The following PI4KB variants were observed in gnomAD, a reference collection of about 807,000 sequenced individuals.
PI4KB encodes the protein PtdIns 4-kinase beta.
In PI4KB, 23 loss-of-function variants were observed where a neutral mutation model predicts 81.4. That is an observed-to-expected ratio of 0.28 (90% confidence interval 0.20 to 0.40). The LOEUF (loss-of-function observed/expected upper bound fraction) is 0.40, where lower values mean the gene tolerates loss of function less well. Among genes scored for constraint, PI4KB ranks in the 10% least tolerant of loss-of-function variants. The pLI, the probability that PI4KB is intolerant of heterozygous loss-of-function variation, is 1.00. For missense variants in PI4KB, 651 were observed against 1,036.6 expected, an observed-to-expected ratio of 0.63 and a Z score of 5.11; for synonymous variants, 381 against 406.8, an observed-to-expected ratio of 0.94 and a Z score of 0.76.
At chr1:151,299,222 C>T in intron 8 of PI4KB, 149 bp from the exon 9 acceptor site, 3 of 716,656 alleles carry the variant, frequency 4.2e-6, no homozygotes, top group Non-Finnish European at 6.9e-6. Flanking sequence ...CCAGTGAGGA[C>T]CAGGGAGTTT....
chr1:151,298,763 G>A, intron 9 of PI4KB, 45 bp downstream of exon 9: 1 of 1,592,232 alleles, frequency 6.3e-7, no homozygotes, highest in Admixed American at 1.7e-5. Flanking sequence ...AAGGGACAGA[G>A]AGAACCCTGG....
chr1:151,297,291 G>C lies in PI4KB; in HGVS notation c.2015+1517C>G, dbSNP rs192141101. ...GACGGGATCTAACTATGTTGCCTAG[G>C]CTAGTCTCGAACTCCTGGGCTCAAG... is the stretch of plus-strand genomic sequence containing the variant. On this transcript the variant is annotated intron_variant, in intron 9 of 11. Coordinates refer to ENST00000368873, the MANE Select transcript of PI4KB (RefSeq NM_001369623.2). Among the ~76,000 whole-genome samples, 661 of 151,084 alleles carry C rather than the reference G, an allele frequency of 4.4e-3. 6 individuals carry two copies. The highest frequency in any genetic ancestry group is 0.014 in the Middle Eastern group (4 of 284).
At position 151,315,952 on chromosome 1, in the gene PI4KB, G is replaced by A; in HGVS notation, c.530C>T (p.Pro177Leu). The change falls in exon 2 of 12, where the codon CCC (proline) becomes CTC (leucine). Residue 177 changes from proline (P) to leucine (L), a missense_variant. This residue lies in a region of PI4KB where 314 missense variants were observed against 397.8 expected (regional missense o/e 0.79). Transcript: ENST00000368873. ...GTGGATGTACATGTTAAGCAACTGG[G>A]GCAGATAGAAGTCCACGTCCTCGTT... ...FRNEDVDFYL[P>L]QLLNMYIHMD... 6.2e-7 allele frequency: 1 copy of A among 1,613,170 alleles called. No homozygotes were observed. The highest frequency in any genetic ancestry group is 8.5e-7 in the Non-Finnish European group (1 of 1,179,302).
intron 6 of PI4KB, 119 bp downstream of exon 6, chr1:151,303,422 T>C (rs932234365): frequency 4.8e-5 from 36 of 747,704 alleles, no homozygotes; most frequent in Middle Eastern, 2.4e-4. Context: ...AAGGACAGAA[T>C]GAAAGAGGGA....
Position 151,296,035 on chromosome 1 carries a change from C to T in PI4KB, c.2016-1494G>A, listed in dbSNP as rs1185376730. On this transcript the variant is annotated intron_variant, in intron 9 of 11. Transcript: ENST00000368873. ...CTGAGGCAGGAGGATCACCTGAGGT[C>T]AGGAGTTTGAGACCAGCCTGGCCAA... Among the ~76,000 whole-genome samples, 4 of 152,316 alleles carry T rather than the reference C, an allele frequency of 2.6e-5. No individual in the cohort carries two copies. In the East Asian group the frequency reaches 5.8e-4, roughly 22 times the overall value.
chr1:151,324,463 A>G (rs2102027546), intron 1 of PI4KB, among the ~76,000 whole-genome samples: 1 of 152,278 alleles, frequency 6.6e-6, no homozygotes. Flanking sequence ...ATAGAAACTC[A>G]GGGCCAGGCA....
chr1:151,327,216 A>ACGGGGGCGCCCCCC, intron 1 of PI4KB, 55 bp downstream of exon 1: 1 of 102,622 alleles, frequency 9.7e-6, no homozygotes, highest in Non-Finnish European at 1.8e-5. Flanking sequence ...TGGGAGAGGG[A>ACGGGGGCGCCCCCC]CCCCCCCCCC....
chr1:151,292,833 TC>T lies in PI4KB; in HGVS notation c.*18del, dbSNP rs1269968188. 6.2e-7 allele frequency: 1 copy of T among 1,612,448 alleles called. No individual in the cohort carries two copies. The highest frequency in any genetic ancestry group is 8.5e-7 in the Non-Finnish European group (1 of 1,179,392). ...GAGGGTGCCCTGGACCCCCCACCAC[TC>T]CTGGGCTGAGGAGCGTGTCACATGA... On this transcript the variant is annotated 3_prime_UTR_variant, in exon 12 of 12. Transcript: ENST00000368873.
intron 3 of PI4KB, among the ~76,000 whole-genome samples, chr1:151,309,330 TA>T (rs2101968284): frequency 6.6e-6 from 1 of 152,264 alleles, no homozygotes; most frequent in South Asian, 2.1e-4. Flanking sequence ...GCATTTGGGT[TA>T]GGGGCCCCTA....
chr1:151,309,760 C>G (rs1696054915), intron 3 of PI4KB, among the ~76,000 whole-genome samples: 1 of 152,150 alleles, frequency 6.6e-6, no homozygotes. Flanking sequence ...GTCAGCTCAC[C>G]AGCACAGGGC....
chr1:151,304,136 A>C (rs587625791), intron 5 of PI4KB, among the ~76,000 whole-genome samples: 26 of 152,296 alleles, frequency 1.7e-4, no homozygotes, highest in African/African-American at 6.3e-4. Context: ...CTCTAAATAC[A>C]GAATATTCTA....
intron 3 of PI4KB, among the ~76,000 whole-genome samples, 171 bp downstream of exon 3, chr1:151,310,040 A>G (rs1696080006): frequency 6.6e-6 from 1 of 152,186 alleles, no homozygotes; most frequent in Non-Finnish European, 1.5e-5. Flanking sequence ...CGCAAAGGTC[A>G]GGGGAACTCC....
At chr1:151,293,348 C>T (rs1694472657) in intron 11 of PI4KB, 2 of 1,354,890 alleles carry the variant, frequency 1.5e-6, no homozygotes, top group Non-Finnish European at 2.0e-6. Context: ...GGGCCCTGAG[C>T]TGGGCACTTA....
intron 11 of PI4KB, chr1:151,293,815 TC>T (rs1694543991): frequency 5.4e-6 from 3 of 556,916 alleles, no homozygotes; most frequent in Non-Finnish European, 9.3e-6. Flanking sequence ...GCTATCCCCT[TC>T]CCCAGCCTTC....
intron 8 of PI4KB, among the ~76,000 whole-genome samples, chr1:151,300,361 C>T (rs1038008758): frequency 6.6e-6 from 1 of 152,186 alleles, no homozygotes; most frequent in Admixed American, 6.5e-5. Context: ...AATTCCAGCA[C>T]TTTGGGAGGT....
Position 151,295,728 on chromosome 1 carries a change from T to G in PI4KB, c.2016-1187A>C, listed in dbSNP as rs146377729. Among the ~76,000 whole-genome samples the G allele has an allele frequency of 6.6e-5, 10 of 152,318 alleles. No individual in the cohort carries two copies. In the East Asian group the frequency reaches 1.9e-3, roughly 29 times the overall value. On this transcript the variant is annotated intron_variant, in intron 9 of 11. Coordinates refer to ENST00000368873, the MANE Select transcript of PI4KB (RefSeq NM_001369623.2). ...CTTTTTTGAGGTACTATGAACGGCTTATCAGCTACCTGCCCTCCTCTATCC... is the reference window on the plus strand; with the variant it reads ...CTTTTTTGAGGTACTATGAACGGCTGATCAGCTACCTGCCCTCCTCTATCC...
In PI4KB at chr1:151,293,286, CAGTA is replaced by C. The variant is rs989991202; in HGVS notation, c.2270-257_2270-254del. 1.4e-5 allele frequency: 20 copies of C among 1,390,974 alleles called. No individual in the cohort carries two copies. The African/African-American group carries it at 2.8e-4, about 19-fold the overall frequency. 86.2% of individuals were successfully genotyped at this position (1,390,974 alleles called of 1,614,324 possible). A position where few individuals can be genotyped will look rare whatever the true frequency, so the allele number is the denominator to read the frequency against. On this transcript the variant is annotated intron_variant, in intron 11 of 11. Transcript: ENST00000368873. The stretch of plus-strand genomic sequence containing the variant: ...AAGGGGACCAACACCACATCTCCCT[CAGTA>C]AGGGTGGAGGGGCCCAGAGGGCAGG...
At chr1:151,318,972 T>C (rs943648624) in intron 1 of PI4KB, among the ~76,000 whole-genome samples, 2 of 152,104 alleles carry the variant, frequency 1.3e-5, no homozygotes, top group African/African-American at 4.8e-5. Flanking sequence ...TAACATATAA[T>C]GGAAAGAGCT....
chr1:151,313,781 C>T (rs1432192412), intron 2 of PI4KB, among the ~76,000 whole-genome samples: 1 of 152,228 alleles, frequency 6.6e-6, no homozygotes, highest in Non-Finnish European at 1.5e-5. Context: ...TAGCCTGGGC[C>T]GTTCTTCCCC....
Sources: allele counts gnomAD v4.1 joint callset (sites outside exome capture counted in the v4.1 genomes callset), GRCh38; gene constraint gnomAD v4.1.1; regional missense constraint gnomAD v4.1.1; transcripts MANE v1.5; gene names NCBI Gene and HGNC (gene_info 2026-07-23, HGNC 2026-07-21).